Variants in SCN11A observed in about 807,000 individuals in gnomAD.
SCN11A encodes sodium voltage-gated channel alpha subunit 11.
Under a neutral mutation model 162.2 loss-of-function variants are expected in SCN11A, and 122 were observed. The ratio of observed to expected loss-of-function variants is 0.75; its 90% CI spans 0.65 to 0.87. The LOEUF (loss-of-function observed/expected upper bound fraction) is 0.87. Ranked by LOEUF, SCN11A falls within the 40% of genes least tolerant of loss-of-function variation. The pLI, the probability that SCN11A is intolerant of heterozygous loss-of-function variation, is 0.00. For synonymous variants in SCN11A, 758 were observed against 751.5 expected (o/e 1.01, Z -0.14); for missense variants, 2,015 against 2,181.6 (o/e 0.92, Z 1.52).
At chr3:38,975,515 G>C (rs904615998) in intron 2 of SCN11A, among the ~76,000 whole-genome samples, 1 of 152,190 alleles carries the variant, frequency 6.6e-6, no homozygotes, top group Non-Finnish European at 1.5e-5. Flanking sequence ...TAATTCAGCA[G>C]GATTAATATT....
intron 5 of SCN11A, among the ~76,000 whole-genome samples, chr3:38,948,900 G>A (rs906444086): frequency 6.6e-6 from 1 of 152,124 alleles, no homozygotes; most frequent in African/African-American, 2.4e-5. Context: ...AGAAGGCCCT[G>A]GAATCCTGGG....
intron 2 of SCN11A, among the ~76,000 whole-genome samples, chr3:39,002,154 A>G (rs2030835303): frequency 6.6e-6 from 1 of 152,250 alleles, no homozygotes; most frequent in Non-Finnish European, 1.5e-5. Flanking sequence ...ATTCTATTCC[A>G]TTCAGCTATA....
In SCN11A at chr3:38,847,110, G is replaced by A; in HGVS notation, c.4960C>T (p.Pro1654Ser). The A allele has an allele frequency of 6.2e-7, 1 of 1,614,162 alleles. No individual in the cohort carries two copies. The highest frequency in any genetic ancestry group is 2.2e-5 in the East Asian group (1 of 44,878). Residue 1654 changes from proline (P) to serine (S), a missense_variant, in exon 30 of 30, where the codon CCT becomes TCT. Coordinates refer to ENST00000302328, the MANE Select transcript of SCN11A (RefSeq NM_001349253.2). ...SALSDFADAL[P>S]EPLRVAKPNK... ...GGCTTTGCGACACGCAAAGGCTCAG[G>A]CAAGGCATCAGCAAAGTCAGAAAGG...
chr3:38,911,071 C>G (rs1484328844), intron 11 of SCN11A, among the ~76,000 whole-genome samples: 1 of 152,162 alleles, frequency 6.6e-6, no homozygotes, highest in Admixed American at 6.5e-5. Flanking sequence ...CTCCGTATAT[C>G]TAAATAGTGC....
chr3:38,988,788 G>C (rs1167850075), intron 2 of SCN11A, among the ~76,000 whole-genome samples: 1 of 152,214 alleles, frequency 6.6e-6, no homozygotes, highest in African/African-American at 2.4e-5. Flanking sequence ...TGGGGTAAGT[G>C]GCTTGTCCAA....
rs558370837 is a variant in SCN11A at position 38,894,715 on chromosome 3, T to A, written c.2653A>T (p.Met885Leu). 10 of 1,614,176 alleles carry A rather than the reference T, an allele frequency of 6.2e-6. No homozygotes were observed. The South Asian group carries it at 1.1e-4, about 18-fold the overall frequency. ...GTCTCTGAGCCCCTTTTCATCTCCA[T>A]GACCAGGGGAATGATGTCTTTGCTT... is the stretch of plus-strand genomic sequence containing the variant. ...AQSKDIIPLV[M>L]EMKRGSETQE... The change falls in exon 19 of 30, where the codon ATG becomes TTG. Residue 885 changes from methionine to leucine, a missense_variant. By Grantham distance (15) the Met-to-Leu change is conservative. Coordinates refer to ENST00000302328, the MANE Select transcript of SCN11A (RefSeq NM_001349253.2).
Position 38,946,869 on chromosome 3 carries a change from G to A in SCN11A, c.306C>T (p.Arg102=). ...MVLNRKRTIY[R]FSAKHALFIF... The stretch of plus-strand genomic sequence containing the variant: ...TGAACAAGGCATGCTTGGCACTGAA[G>A]CGGTAGATTGTCCTCTTTCTGTTTA... The change falls in exon 6 of 30, where the codon CGC becomes CGT. Residue 102 remains arginine (R), a synonymous_variant. Coordinates refer to ENST00000302328, the MANE Select transcript of SCN11A (RefSeq NM_001349253.2). 2 of 1,613,656 alleles carry A rather than the reference G, an allele frequency of 1.2e-6. No homozygotes were observed.
intron 7 of SCN11A, among the ~76,000 whole-genome samples, chr3:38,936,659 T>A (rs1318187683): frequency 6.6e-6 from 1 of 151,712 alleles, no homozygotes; most frequent in Non-Finnish European, 1.5e-5. Context: ...GAATCCAACT[T>A]ACAAGGGACG....
At chr3:38,966,193 G>C (rs1049044747) in intron 2 of SCN11A, among the ~76,000 whole-genome samples, 1 of 152,168 alleles carries the variant, frequency 6.6e-6, no homozygotes, top group Non-Finnish European at 1.5e-5. Flanking sequence ...GTTTCTGAGG[G>C]TTTTTGTTGT....
intron 2 of SCN11A, among the ~76,000 whole-genome samples, chr3:39,028,439 G>A (rs142944307): frequency 3.3e-5 from 5 of 152,234 alleles, no homozygotes; most frequent in African/African-American, 7.2e-5. Flanking sequence ...CATAGGATCC[G>A]TCTTAAACCT....
At chr3:38,999,099 T>G (rs1239806520) in intron 2 of SCN11A, among the ~76,000 whole-genome samples, 1 of 152,222 alleles carries the variant, frequency 6.6e-6, no homozygotes, top group Non-Finnish European at 1.5e-5. Flanking sequence ...TAATTATTCC[T>G]GGGAAAAGTC....
intron 2 of SCN11A, among the ~76,000 whole-genome samples, chr3:38,977,288 C>T (rs961726542): frequency 6.6e-6 from 1 of 152,194 alleles, no homozygotes; most frequent in African/African-American, 2.4e-5. Flanking sequence ...TGCTATTCCT[C>T]CTCCCGCTCC....
At chr3:38,926,648 C>T (rs1413181267) in intron 8 of SCN11A, among the ~76,000 whole-genome samples, 155 bp downstream of exon 8, 3 of 152,154 alleles carry the variant, frequency 2.0e-5, no homozygotes, top group East Asian at 1.9e-4. Context: ...ATTGGCTGCA[C>T]GTGCTGTTCA....
At chr3:38,930,267 G>C (rs2066221099) in intron 7 of SCN11A, among the ~76,000 whole-genome samples, 1 of 152,166 alleles carries the variant, frequency 6.6e-6, no homozygotes. Flanking sequence ...ACTCAAAGCA[G>C]CCAAGTCCAA....
chr3:38,851,018 T>A (rs979829608), intron 28 of SCN11A, among the ~76,000 whole-genome samples: 5 of 152,174 alleles, frequency 3.3e-5, no homozygotes, highest in Non-Finnish European at 7.4e-5. Context: ...TATTAAAAAG[T>A]CTTAGTAACA....
intron 2 of SCN11A, among the ~76,000 whole-genome samples, chr3:38,994,125 G>A (rs2125595339): frequency 6.6e-6 from 1 of 152,288 alleles, no homozygotes; most frequent in South Asian, 2.1e-4. Context: ...CCAAGTCCTT[G>A]TTTCAGGGTC....
intron 4 of SCN11A, among the ~76,000 whole-genome samples, chr3:38,951,425 A>C (rs1218557842): frequency 6.6e-6 from 1 of 152,212 alleles, no homozygotes; most frequent in Non-Finnish European, 1.5e-5. Context: ...GCCATGCCTG[A>C]GCCTCCCACT....
intron 28 of SCN11A, among the ~76,000 whole-genome samples, chr3:38,856,623 C>T (rs2064873399): frequency 6.6e-6 from 1 of 152,152 alleles, no homozygotes; most frequent in Non-Finnish European, 1.5e-5. Flanking sequence ...TACATTTACC[C>T]ACCTGCCTTA....
At position 38,990,797 on chromosome 3, in the gene SCN11A, C is replaced by A. The variant is rs140531223; in HGVS notation, c.-279-30374G>T. ...TTAAGAAACTCGGCACAGGTCAGAG[C>A]TAGCAATTGGTAGAGGCAGGATGTG... On this transcript the variant is annotated intron_variant, in intron 2 of 29. Coordinates refer to ENST00000302328, the MANE Select transcript of SCN11A (RefSeq NM_001349253.2). 2.6e-5 allele frequency among the ~76,000 whole-genome samples: 4 copies of A among 152,198 alleles called. No homozygotes were observed. In the East Asian group the frequency reaches 7.7e-4, roughly 29 times the overall value.
Sources: allele counts gnomAD v4.1 joint callset (sites outside exome capture counted in the v4.1 genomes callset), GRCh38; gene constraint gnomAD v4.1.1; transcripts MANE v1.5; gene names NCBI Gene and HGNC (gene_info 2026-07-23, HGNC 2026-07-21).